Variants in FRMPD2 observed in about 807,000 individuals in gnomAD.
FRMPD2 encodes the protein FERM and PDZ domain-containing protein 2.
A neutral mutation model predicts 140.1 loss-of-function variants in FRMPD2; 96 were observed. That is an observed-to-expected ratio of 0.69 (90% CI 0.58 to 0.81). The LOEUF (loss-of-function observed/expected upper bound fraction) is 0.81, where lower values mean the gene tolerates loss of function less well. FRMPD2 is among the 40% of genes least tolerant of loss of function. The pLI, the probability that FRMPD2 is intolerant of heterozygous loss-of-function variation, is 0.00. For missense variants in FRMPD2, 1,240 were observed against 1,447.4 expected, an observed-to-expected ratio of 0.86 and a Z score of 2.32; for synonymous variants, 449 against 547.6, an observed-to-expected ratio of 0.82 and a Z score of 2.52.
chr10:48,274,719 C>G, upstream of FRMPD2: 1 of 695,846 alleles, frequency 1.4e-6, no homozygotes, highest in Non-Finnish European at 2.6e-6. Context: ...GCACTTGCTG[C>G]CCAGCGAGTG....
chr10:48,180,330 G>T (rs1177918860), intron 21 of FRMPD2, among the ~76,000 whole-genome samples: 1 of 152,094 alleles, frequency 6.6e-6, no homozygotes, highest in African/African-American at 2.4e-5. Context: ...GCAGAGCTGG[G>T]ACTGAAGCAC....
At chr10:48,197,249 G>A (rs1224181601) in intron 15 of FRMPD2, among the ~76,000 whole-genome samples, 2 of 152,082 alleles carry the variant, frequency 1.3e-5, no homozygotes, top group Non-Finnish European at 2.9e-5. Flanking sequence ...GAATTGGCTG[G>A]CACTGAACAA....
At chr10:48,257,294 A>G (rs570554214) in intron 1 of FRMPD2, among the ~76,000 whole-genome samples, 10 of 143,882 alleles carry the variant, frequency 7.0e-5, no homozygotes, top group African/African-American at 2.6e-4. Flanking sequence ...TATTATTATT[A>G]TTTGAGGCAG....
intron 18 of FRMPD2, among the ~76,000 whole-genome samples, 197 bp from the exon 19 acceptor site, chr10:48,185,078 T>C (rs955325779): frequency 6.6e-6 from 1 of 152,190 alleles, no homozygotes; most frequent in Non-Finnish European, 1.5e-5. Flanking sequence ...TGTTCCCCAT[T>C]AGTAAGCACA....
intron 16 of FRMPD2, among the ~76,000 whole-genome samples, chr10:48,187,629 T>C (rs982730011): frequency 6.6e-6 from 1 of 152,218 alleles, no homozygotes; most frequent in African/African-American, 2.4e-5. Context: ...AAGAATAACA[T>C]TCCTACTTCC....
At chr10:48,184,304 G>T (rs1229340982) in intron 20 of FRMPD2, among the ~76,000 whole-genome samples, 1 of 152,074 alleles carries the variant, frequency 6.6e-6, no homozygotes, top group Non-Finnish European at 1.5e-5. Flanking sequence ...GAAAAAAAAA[G>T]ACTGGTTGTA....
intron 21 of FRMPD2, among the ~76,000 whole-genome samples, chr10:48,179,980 C>T (rs1217903258): frequency 6.6e-6 from 1 of 152,222 alleles, no homozygotes; most frequent in African/African-American, 2.4e-5. Flanking sequence ...GTGACCACCC[C>T]TGAGCCTGAA....
intron 8 of FRMPD2, among the ~76,000 whole-genome samples, chr10:48,237,417 G>A (rs963196723): frequency 1.7e-4 from 26 of 152,174 alleles, no homozygotes; most frequent in Admixed American, 1.5e-3. Context: ...AGGACAGTGC[G>A]GGCCAGGCCA....
intron 15 of FRMPD2, among the ~76,000 whole-genome samples, chr10:48,200,155 A>T (rs1485151120): frequency 1.5e-5 from 1 of 68,134 alleles, no homozygotes; most frequent in African/African-American, 8.2e-5. Context: ...AAAAAATATA[A>T]ATAAATAAAT....
rs1485646006 is a variant in FRMPD2, at chr10:48,175,087, T to TC, written c.2990-133dup. The stretch of plus-strand genomic sequence containing the variant: ...GGAAAGGAAGCTGAGGTGCCAGGTG[T>TC]CCCCCTGGAGTCAGCAGGAATCCTG... On this transcript the variant is annotated intron_variant, in intron 23 of 28. Transcript: ENST00000374201. 1.2e-5 allele frequency: 6 copies of TC among 515,078 alleles called. No homozygotes were observed. The African/African-American group carries it at 1.2e-4, about 11-fold the overall frequency. The allele number at this position is 515,078 out of a possible 1,614,324, so 31.9% of individuals were successfully genotyped here.
Position 48,249,182 on chromosome 10 carries a change from A to C in FRMPD2, c.152-4T>G. ...CAAACCACATAGTCCGAGGAATCTGAAACCAAGCCAGTGATGGGGCTGTAG... is the reference window on the plus strand; with the variant it reads ...CAAACCACATAGTCCGAGGAATCTGCAACCAAGCCAGTGATGGGGCTGTAG... On this transcript the variant is annotated splice_region_variant and splice_polypyrimidine_tract_variant and intron_variant, in intron 2 of 28. Transcript: ENST00000374201. 1 of 1,613,450 alleles carries C rather than the reference A, an allele frequency of 6.2e-7. No individual in the cohort carries two copies. The highest frequency in any genetic ancestry group is 8.5e-7 in the Non-Finnish European group (1 of 1,179,596).
intron 10 of FRMPD2, among the ~76,000 whole-genome samples, chr10:48,231,162 G>A (rs921740673): frequency 2.6e-5 from 4 of 152,206 alleles, no homozygotes; most frequent in African/African-American, 9.7e-5. Flanking sequence ...CAGCAGTGAT[G>A]CTTTCAGAGC....
intron 1 of FRMPD2, among the ~76,000 whole-genome samples, chr10:48,273,306 C>G (rs564393152): frequency 2.6e-4 from 40 of 152,252 alleles, no homozygotes; most frequent in Non-Finnish European, 5.4e-4. Context: ...CACGACACAT[C>G]CTTCATTAAA....
intron 16 of FRMPD2, among the ~76,000 whole-genome samples, chr10:48,188,460 C>T (rs1340944792): frequency 2.6e-5 from 4 of 152,304 alleles, no homozygotes; most frequent in South Asian, 2.1e-4. Context: ...CCTTGCAGCA[C>T]GATCGACCCA....
chr10:48,257,249 T>TTTTA, intron 1 of FRMPD2, among the ~76,000 whole-genome samples: 1 of 151,692 alleles, frequency 6.6e-6, no homozygotes, highest in South Asian at 2.1e-4. Context: ...CCTTTACGGT[T>TTTTA]TTTATTTTTT....
chr10:48,224,354 T>C (rs1385304703), intron 10 of FRMPD2, among the ~76,000 whole-genome samples: 1 of 152,214 alleles, frequency 6.6e-6, no homozygotes, highest in African/African-American at 2.4e-5. Context: ...CAAAGCATTC[T>C]CTAGCAGCTT....
At chr10:48,237,893 C>A in intron 8 of FRMPD2, 98 bp downstream of exon 8, 1 of 1,437,350 alleles carries the variant, frequency 7.0e-7, no homozygotes. Flanking sequence ...GAAGTTGTCC[C>A]CTAGAAGACC....
intron 1 of FRMPD2, among the ~76,000 whole-genome samples, chr10:48,259,624 G>A (rs142639246): frequency 7.0e-6 from 1 of 143,558 alleles, no homozygotes. Context: ...GTACATGAAT[G>A]TGTGTGTGTA....
chr10:48,240,767 T>G (rs1840087908), intron 5 of FRMPD2, among the ~76,000 whole-genome samples: 1 of 152,116 alleles, frequency 6.6e-6, no homozygotes, highest in Non-Finnish European at 1.5e-5. Context: ...CCCCAGAAGC[T>G]CCTCTGTGCC....
Sources: gnomAD v4.1 joint callset for allele counts (sites outside exome capture counted in the v4.1 genomes callset) on GRCh38, gnomAD v4.1.1 for gene constraint, MANE v1.5 for transcripts, NCBI Gene and HGNC (gene_info 2026-07-23, HGNC 2026-07-21) for gene names.